DCAF8: variants seen among roughly 807,000 people sequenced by gnomAD.
The protein encoded by DCAF8 is DDB1- and CUL4-associated factor 8.
In DCAF8, 20 loss-of-function variants were observed where a neutral mutation model predicts 68.0. That is an observed-to-expected ratio of 0.29 (90% CI 0.21 to 0.43). DCAF8 has a LOEUF of 0.43. Ranked by LOEUF, DCAF8 falls within the 20% of genes least tolerant of loss-of-function variation. The pLI, the probability that DCAF8 is intolerant of heterozygous loss-of-function variation, is 1.00. For synonymous variants in DCAF8, 230 were observed against 276.9 expected, an observed-to-expected ratio of 0.83 and a Z score of 1.68; for missense variants, 460 against 771.0, an observed-to-expected ratio of 0.60 and a Z score of 4.78.
chr1:160,249,721 T>A (rs963292833), intron 2 of DCAF8, among the ~76,000 whole-genome samples: 5 of 152,188 alleles, frequency 3.3e-5, no homozygotes, highest in African/African-American at 1.2e-4. Context: ...TTTACTTAAA[T>A]TCATCAAAAA....
At chr1:160,257,396 G>A (rs2101773598) in intron 2 of DCAF8, among the ~76,000 whole-genome samples, 1 of 152,246 alleles carries the variant, frequency 6.6e-6, no homozygotes. Flanking sequence ...TCCTAGACAT[G>A]TTTAGAATAA....
chr1:160,225,560 C>T (rs376678771), intron 8 of DCAF8, 31 bp downstream of exon 8: 35 of 1,572,556 alleles, frequency 2.2e-5, no homozygotes, highest in Non-Finnish European at 3.0e-5. Flanking sequence ...GTCAGGGAAG[C>T]CTGCAGCAAC....
intron 7 of DCAF8, among the ~76,000 whole-genome samples, chr1:160,228,998 G>A (rs757700516): frequency 3.0e-4 from 45 of 152,104 alleles, no homozygotes; most frequent in Non-Finnish European, 5.1e-4. Flanking sequence ...TAGGATCAGC[G>A]TGCCTCAAAA....
intron 2 of DCAF8, among the ~76,000 whole-genome samples, chr1:160,245,210 C>T (rs142000064): frequency 6.6e-6 from 1 of 152,344 alleles, no homozygotes; most frequent in African/African-American, 2.4e-5. Context: ...TTTTATGCCA[C>T]TATAAAACAT....
chr1:160,222,840 TC>T (rs1268205347), intron 10 of DCAF8, 59 bp from the exon 11 acceptor site: 2 of 1,602,966 alleles, frequency 1.2e-6, no homozygotes, highest in Non-Finnish European at 1.7e-6. Flanking sequence ...CTATATACAT[TC>T]ATCTCAAAGG....
intron 6 of DCAF8, among the ~76,000 whole-genome samples, chr1:160,234,428 A>G (rs1655800831): frequency 6.6e-6 from 1 of 151,772 alleles, no homozygotes; most frequent in Admixed American, 6.6e-5. Flanking sequence ...AGTCTATCCC[A>G]CCTATCATTG....
At chr1:160,239,170 C>T (rs370935045) in intron 4 of DCAF8, 13 of 1,069,770 alleles carry the variant, frequency 1.2e-5, no homozygotes, top group Non-Finnish European at 1.4e-5. Context: ...GGTACCAGTA[C>T]AGTAGATGGG....
intron 7 of DCAF8, among the ~76,000 whole-genome samples, chr1:160,230,518 C>G (rs1005626034): frequency 2.0e-5 from 3 of 152,126 alleles, no homozygotes; most frequent in Non-Finnish European, 4.4e-5. Flanking sequence ...ACAAAGATAT[C>G]ACTATGGATA....
At chr1:160,248,480 A>T (rs1214843510) in intron 2 of DCAF8, among the ~76,000 whole-genome samples, 4 of 152,186 alleles carry the variant, frequency 2.6e-5, no homozygotes, top group African/African-American at 4.8e-5. Context: ...TCACGCCTGT[A>T]ATCCCATCAC....
At chr1:160,242,759 A>C (rs769900796) in intron 3 of DCAF8, among the ~76,000 whole-genome samples, 3 of 152,210 alleles carry the variant, frequency 2.0e-5, no homozygotes, top group Non-Finnish European at 4.4e-5. Flanking sequence ...ACACTACATA[A>C]ACGAACAGGC....
At chr1:160,224,413 G>C in intron 10 of DCAF8, 29 bp downstream of exon 10, 1 of 1,570,744 alleles carries the variant, frequency 6.4e-7, no homozygotes, top group South Asian at 1.1e-5. Flanking sequence ...ACAGGCTTGG[G>C]CCAAAGAAAC....
chr1:160,218,285 G>A (rs1221921036), intron 13 of DCAF8, 39 bp downstream of exon 13: 1 of 1,529,850 alleles, frequency 6.5e-7, no homozygotes, highest in Admixed American at 1.7e-5. Context: ...CTCTTAAAAG[G>A]GTCACTCCCT....
At chr1:160,238,857 G>A in intron 4 of DCAF8, 110 bp from the exon 5 acceptor site, 2 of 1,179,608 alleles carry the variant, frequency 1.7e-6, no homozygotes, top group Non-Finnish European at 2.3e-6. Context: ...TTACATGACA[G>A]CTGGAAACTT....
intron 3 of DCAF8, among the ~76,000 whole-genome samples, chr1:160,243,230 G>C (rs1053095672): frequency 6.6e-5 from 10 of 151,938 alleles, no homozygotes; most frequent in African/African-American, 1.9e-4. Context: ...CTTCAAATCT[G>C]CCCTAAAGCC....
In DCAF8 at chr1:160,240,157, G is replaced by A; in HGVS notation, c.263C>T (p.Ser88Phe). 6.2e-7 allele frequency: 1 copy of A among 1,613,702 alleles called. No individual in the cohort carries two copies. The highest frequency in any genetic ancestry group is 8.5e-7 in the Non-Finnish European group (1 of 1,179,864). ...SDSMEDTGHYSINDENRVHDR... is the reference protein window; with the variant it reads ...SDSMEDTGHYFINDENRVHDR... ...ATGGACTCGATTTTCATCATTAATG[G>A]AGTAATGACCAGTGTCCTCCATGCT... is the stretch of plus-strand genomic sequence containing the variant. The change falls in exon 4 of 14, where the codon TCC (serine) becomes TTC (phenylalanine). Residue 88 changes from serine to phenylalanine, a missense_variant. Physicochemically the swap from Ser to Phe is radical, Grantham distance 155. Coordinates refer to ENST00000368074, the MANE Select transcript of DCAF8 (RefSeq NM_015726.4).
At chr1:160,218,531 C>G in intron 12 of DCAF8, 91 bp from the exon 13 acceptor site, 1 of 1,021,418 alleles carries the variant, frequency 9.8e-7, no homozygotes, top group Admixed American at 1.8e-5. Flanking sequence ...CCAATAAAAG[C>G]TTCCCTTAAG....
intron 6 of DCAF8, among the ~76,000 whole-genome samples, chr1:160,235,584 T>C (rs757966981): frequency 6.6e-5 from 10 of 151,900 alleles, no homozygotes; most frequent in East Asian, 1.9e-4. Flanking sequence ...ATCTCCCACA[T>C]TGTAACATGA....
intron 2 of DCAF8, among the ~76,000 whole-genome samples, chr1:160,245,156 C>T (rs114671371): frequency 0.025 from 3,798 of 152,320 alleles, 49 homozygotes; most frequent in Middle Eastern, 0.037. Flanking sequence ...TTTCACCAGA[C>T]TCATCTTTCC....
At chr1:160,227,294 G>T (rs137879012) in intron 7 of DCAF8, among the ~76,000 whole-genome samples, 114 of 152,294 alleles carry the variant, frequency 7.5e-4, no homozygotes, top group African/African-American at 2.6e-3. Flanking sequence ...TAGAGAAAAA[G>T]ACTTGAAAAG....
Sources: allele counts gnomAD v4.1 joint callset (sites outside exome capture counted in the v4.1 genomes callset), GRCh38; gene constraint gnomAD v4.1.1; transcripts MANE v1.5; gene names NCBI Gene and HGNC (gene_info 2026-07-23, HGNC 2026-07-21).